COL13A1: variants seen among roughly 807,000 people sequenced by gnomAD.
The protein encoded by COL13A1 is collagen alpha-1(XIII) chain.
A neutral mutation model predicts 130.9 loss-of-function variants in COL13A1; 89 were observed. That is an observed-to-expected ratio of 0.68 (90% CI 0.57 to 0.81). COL13A1 has a LOEUF of 0.81. Among genes scored for constraint, COL13A1 ranks in the 30% least tolerant of loss-of-function variants. COL13A1 has a pLI of 0.00. For missense variants in COL13A1, 879 were observed against 934.6 expected (o/e 0.94, Z 0.78); for synonymous variants, 402 against 341.6 (o/e 1.18, Z -1.95).
At chr10:69,828,131 A>C (rs1227753) in intron 2 of COL13A1, among the ~76,000 whole-genome samples, 1 of 151,892 alleles carries the variant, frequency 6.6e-6, no homozygotes, top group Admixed American at 6.5e-5. Context: ...CATTCTTGCT[A>C]TTTCTTAAAG....
intron 2 of COL13A1, among the ~76,000 whole-genome samples, chr10:69,866,024 T>C (rs2058481441): frequency 6.6e-6 from 1 of 152,212 alleles, no homozygotes; most frequent in Non-Finnish European, 1.5e-5. Context: ...TGGCACCTAA[T>C]AAGGACCATA....
intron 6 of COL13A1, chr10:69,879,504 A>G (rs1247423279): frequency 6.6e-6 from 1 of 152,182 alleles, no homozygotes; most frequent in Non-Finnish European, 1.5e-5. Flanking sequence ...GCTCTTAACC[A>G]TGACACTACA....
At chr10:69,933,280 G>T (rs770376609) in intron 31 of COL13A1, among the ~76,000 whole-genome samples, 1 of 151,954 alleles carries the variant, frequency 6.6e-6, no homozygotes, top group African/African-American at 2.4e-5. Context: ...GAGTCTTGAC[G>T]GCTTTGTAGG....
At chr10:69,831,221 CG>C (rs1564788217) in intron 2 of COL13A1, among the ~76,000 whole-genome samples, 2 of 152,194 alleles carry the variant, frequency 1.3e-5, no homozygotes, top group African/African-American at 4.8e-5. Flanking sequence ...GCCTAAATCC[CG>C]TGTGTGTGCA....
Position 69,905,827 on chromosome 10 carries a change from G to A in COL13A1, c.921+5G>A. On this transcript the variant is annotated splice_donor_5th_base_variant and intron_variant, in intron 17 of 40. Coordinates refer to ENST00000645393, the MANE Select transcript of COL13A1 (RefSeq NM_001368882.1). ...CAGGGCTACCACGGCCGGAAGGTAAGATGGAGGGGGAGGACCCAAGTGGGG... is the reference window on the plus strand; with the variant it reads ...CAGGGCTACCACGGCCGGAAGGTAAAATGGAGGGGGAGGACCCAAGTGGGG... 6.2e-7 allele frequency: 1 copy of A among 1,613,740 alleles called. No homozygotes were observed. Among genetic ancestry groups the A allele is most frequent in the South Asian group, 1.1e-5 (1 of 90,932 alleles).
Position 69,921,867 on chromosome 10 carries a change from T to C in COL13A1, c.1090-15T>C. On this transcript the variant is annotated splice_polypyrimidine_tract_variant and intron_variant, in intron 21 of 40. Transcript: ENST00000645393. ...AACAGTTCCTAACCCCCACACTGTCTGCATCTCCCTGCAGGGTGAGAAGGG... is the reference window on the plus strand; with the variant it reads ...AACAGTTCCTAACCCCCACACTGTCCGCATCTCCCTGCAGGGTGAGAAGGG... The C allele has an allele frequency of 6.2e-7, 1 of 1,600,708 alleles. No homozygotes were observed. The highest frequency in any genetic ancestry group is 8.5e-7 in the Non-Finnish European group (1 of 1,173,842).
At chr10:69,931,244 C>T (rs1279277968) in intron 30 of COL13A1, 3 of 455,580 alleles carry the variant, frequency 6.6e-6, no homozygotes, top group South Asian at 4.6e-5. Flanking sequence ...CAGCTGGGCT[C>T]CTGAGGTTTA....
At position 69,923,827 on chromosome 10, in the gene COL13A1, T is replaced by C; in HGVS notation, c.1256T>C (p.Val419Ala). 6.2e-7 allele frequency: 1 copy of C among 1,611,990 alleles called. No individual in the cohort carries two copies. The highest frequency in any genetic ancestry group is 8.5e-7 in the Non-Finnish European group (1 of 1,179,206). ...GGAGAAGCAGGTGTCGATGGCCAGG[T>C]TGGCCCCCCAGGGCAGCCAGGAGAC... ...PKGEAGVDGQ[V>A]GPPGQPGDKG... Residue 419 changes from valine to alanine, a missense_variant, in exon 24 of 41, where the codon GTT (valine) becomes GCT (alanine). Val to Ala is a moderately conservative substitution (Grantham distance 64). Around this residue, in one of 3 missense-constraint regions of COL13A1, gnomAD observed 715 missense variants for 721.0 expected, o/e 0.99. Transcript: ENST00000645393.
chr10:69,927,454 CT>C (rs1375173098), intron 27 of COL13A1, among the ~76,000 whole-genome samples: 3 of 152,268 alleles, frequency 2.0e-5, no homozygotes, highest in African/African-American at 4.8e-5. Flanking sequence ...TTTAATGTTT[CT>C]CTTTTTTCCC....
rs778302413 is a variant in COL13A1, at chr10:69,880,533, A to T, written c.493A>T (p.Ile165Phe). ...GSPGDAGLSI[I>F]GPRGPPGQPG... ...CCCCGGAGACGCTGGGCTGTCCATCATTGGTCCCCGCGGCCCCCCTGTAAG... is the reference window on the plus strand; with the variant it reads ...CCCCGGAGACGCTGGGCTGTCCATCTTTGGTCCCCGCGGCCCCCCTGTAAG... The change falls in exon 7 of 41, where the codon ATT becomes TTT. Residue 165 changes from isoleucine (I) to phenylalanine (F), a missense_variant. Transcript: ENST00000645393. The T allele has an allele frequency of 1.2e-6, 2 of 1,612,790 alleles. No individual in the cohort carries two copies. Among genetic ancestry groups the T allele is most frequent in the South Asian group, 2.2e-5 (2 of 91,012 alleles).
chr10:69,878,263 C>T (rs145726521), intron 6 of COL13A1, among the ~76,000 whole-genome samples, 198 bp downstream of exon 6: 49 of 152,324 alleles, frequency 3.2e-4, no homozygotes, highest in Non-Finnish European at 7.1e-4. Context: ...GATTCCTGGG[C>T]GGCGGTCCCA....
chr10:69,923,371 C>G (rs2064934150), intron 23 of COL13A1, among the ~76,000 whole-genome samples: 1 of 152,220 alleles, frequency 6.6e-6, no homozygotes, highest in South Asian at 2.1e-4. Flanking sequence ...AAGCAGATGG[C>G]TCCTATGTTG....
chr10:69,902,702 C>A (rs906990776), intron 14 of COL13A1, 46 bp from the exon 15 acceptor site: 6 of 1,489,626 alleles, frequency 4.0e-6, no homozygotes, highest in Non-Finnish European at 5.4e-6. Flanking sequence ...GGACGGTCTG[C>A]AGCTCTGGGG....
Position 69,817,185 on chromosome 10 carries a change from C to T in COL13A1, c.295-5184C>T, listed in dbSNP as rs189862263. The stretch of plus-strand genomic sequence containing the variant: ...CACAGCCTCAAATATTTATGTTTGC[C>T]GGCCCCTGATGTAAATGATCCAATC... On this transcript the variant is annotated intron_variant, in intron 1 of 40. Coordinates refer to ENST00000645393, the MANE Select transcript of COL13A1 (RefSeq NM_001368882.1). Among the ~76,000 whole-genome samples, 685 of 152,112 alleles carry T rather than the reference C, an allele frequency of 4.5e-3. 8 individuals carry two copies. Among genetic ancestry groups the T allele is most frequent in the African/African-American group, 0.016 (653 of 41,478 alleles).
rs2064931460 is a variant in COL13A1 at position 69,923,341 on chromosome 10, G to T, written c.1231-461G>T. On this transcript the variant is annotated intron_variant, in intron 23 of 40. Coordinates refer to ENST00000645393, the MANE Select transcript of COL13A1 (RefSeq NM_001368882.1). ...CCTTTTGCTGCTTGAAAAGTGCAAT[G>T]GTAAGATTTGGGTTCCCCAAAGCAG... Among the ~76,000 whole-genome samples the T allele has an allele frequency of 2.6e-5, 4 of 152,320 alleles. 1 individual carries two copies. The South Asian group carries it at 6.2e-4, about 24-fold the overall frequency.
At chr10:69,888,670 C>T (rs10999013) in intron 9 of COL13A1, among the ~76,000 whole-genome samples, 18,360 of 152,046 alleles carry the variant, frequency 0.12, 1,207 homozygotes, top group Middle Eastern at 0.19. Flanking sequence ...AGAGCCTGGC[C>T]ACTCATGCAC....
At chr10:69,915,825 C>G (rs2063859672) in intron 17 of COL13A1, among the ~76,000 whole-genome samples, 1 of 152,168 alleles carries the variant, frequency 6.6e-6, no homozygotes. Flanking sequence ...GGAAGAAAGA[C>G]AGACCGTGGA....
chr10:69,936,866 C>T, intron 33 of COL13A1, 84 bp downstream of exon 33: 1 of 1,554,234 alleles, frequency 6.4e-7, no homozygotes, highest in Non-Finnish European at 8.9e-7. Flanking sequence ...GACCCTTTTT[C>T]CTAGAAGGCA....
intron 17 of COL13A1, among the ~76,000 whole-genome samples, chr10:69,907,363 A>C (rs1377711176): frequency 6.6e-6 from 1 of 152,240 alleles, no homozygotes; most frequent in East Asian, 1.9e-4. Context: ...TATAAAGACA[A>C]GAAATTTATT....
Sources: allele counts gnomAD v4.1 joint callset (sites outside exome capture counted in the v4.1 genomes callset), GRCh38; gene constraint gnomAD v4.1.1; regional missense constraint gnomAD v4.1.1; transcripts MANE v1.5; gene names NCBI Gene and HGNC (gene_info 2026-07-23, HGNC 2026-07-21).